Variants in TRA2A observed in about 807,000 individuals in gnomAD.
The protein encoded by TRA2A is transformer-2 protein homolog alpha.
Under a neutral mutation model 45.7 loss-of-function variants are expected in TRA2A, and 31 were observed. The observed-to-expected ratio is 0.68, with a 90% CI of 0.51 to 0.92. TRA2A has a LOEUF of 0.92. Ranked by LOEUF, TRA2A falls within the 40% of genes least tolerant of loss-of-function variation. The pLI is 0.00. For missense variants in TRA2A, 304 were observed against 367.5 expected, an observed-to-expected ratio of 0.83 and a Z score of 1.41; for synonymous variants, 132 against 126.2, an observed-to-expected ratio of 1.05 and a Z score of -0.31.
At chr7:23,516,595 G>A (rs754529092) in intron 2 of TRA2A, 67 bp from the exon 3 acceptor site, 18 of 1,445,430 alleles carry the variant, frequency 1.2e-5, no homozygotes, top group Non-Finnish European at 1.6e-5. Context: ...CCTCTTCCAA[G>A]AAGGTATACA....
At chr7:23,531,447 G>A (rs1790579129) in intron 1 of TRA2A, 2 of 354,166 alleles carry the variant, frequency 5.6e-6, no homozygotes, top group Admixed American at 4.6e-5. Context: ...GCTCCCTGCC[G>A]CCTCCTCCCG....
chr7:23,525,933 T>A (rs896797574), intron 1 of TRA2A, among the ~76,000 whole-genome samples: 2 of 152,168 alleles, frequency 1.3e-5, no homozygotes, highest in African/African-American at 4.8e-5. Flanking sequence ...AAGATGACCC[T>A]GCTGTTGGTT....
At chr7:23,519,739 A>C (rs1790049247) in intron 2 of TRA2A, among the ~76,000 whole-genome samples, 1 of 152,234 alleles carries the variant, frequency 6.6e-6, no homozygotes, top group African/African-American at 2.4e-5. Flanking sequence ...AGGATATGGA[A>C]TACAGGAATA....
intron 1 of TRA2A, chr7:23,522,310 C>A: frequency 8.5e-7 from 1 of 1,177,228 alleles, no homozygotes; most frequent in Non-Finnish European, 1.1e-6. Flanking sequence ...ATCTTCTGTT[C>A]AATTTTTTCC....
At chr7:23,505,845 A>C in intron 6 of TRA2A, 32 bp from the exon 7 acceptor site, 1 of 1,315,096 alleles carries the variant, frequency 7.6e-7, no homozygotes, top group East Asian at 2.4e-5. Flanking sequence ...TTAGCATACT[A>C]TATAATCACT....
intron 4 of TRA2A, among the ~76,000 whole-genome samples, chr7:23,510,065 A>G (rs1789526442): frequency 6.6e-6 from 1 of 152,104 alleles, no homozygotes; most frequent in Non-Finnish European, 1.5e-5. Flanking sequence ...ACAAACAACA[A>G]AAAAAGAAAA....
Position 23,505,585 on chromosome 7 carries a change from C to CAAAAAAA in TRA2A, c.839-23_839-17dup, listed in dbSNP as rs5882904. 16 of 244,982 alleles carry CAAAAAAA rather than the reference C, an allele frequency of 6.5e-5. 2 individuals carry two copies. Among genetic ancestry groups the CAAAAAAA allele is most frequent in the South Asian group, 5.1e-4 (5 of 9,818 alleles). 15.2% of individuals were successfully genotyped at this position (244,982 alleles called of 1,614,324 possible). On this transcript the variant is annotated splice_polypyrimidine_tract_variant and intron_variant, in intron 7 of 7. Coordinates refer to ENST00000297071, the MANE Select transcript of TRA2A (RefSeq NM_013293.5). ...CAATAGCGTCCTAAAAGAGAAAAAG[C>CAAAAAAA]AAAAAAAAAAAAAAAAAAAAAAAGT...
In TRA2A at chr7:23,515,791, A is replaced by ATG. The variant is rs1334666450; in HGVS notation, c.336+571_336+572insCA. On this transcript the variant is annotated intron_variant, in intron 3 of 7. Transcript: ENST00000297071. The stretch of plus-strand genomic sequence containing the variant: ...GAACTCCTGACCTTAGGTGACCCAC[A>ATG]CCCTTTGGCCTCCCAAAGTGCTGGG... Among the ~76,000 whole-genome samples, 18 of 126,678 alleles carry ATG rather than the reference A, an allele frequency of 1.4e-4. 2 individuals carry two copies. Among genetic ancestry groups the ATG allele is most frequent in the African/African-American group, 5.4e-4 (18 of 33,606 alleles). The allele number at this position is 126,678 out of a possible 152,430, so 83.1% of individuals were successfully genotyped here. A position where few individuals can be genotyped will look rare whatever the true frequency, so the allele number is the denominator to read the frequency against.
chr7:23,509,731 C>CAA (rs35279622), intron 4 of TRA2A, among the ~76,000 whole-genome samples: 6,311 of 146,086 alleles, frequency 0.043, 186 homozygotes, highest in African/African-American at 0.082. Flanking sequence ...GACTCCGTCT[C>CAA]AAAAAAAAAA....
intron 4 of TRA2A, among the ~76,000 whole-genome samples, chr7:23,509,440 T>C (rs1384001895): frequency 6.6e-6 from 1 of 152,108 alleles, no homozygotes; most frequent in African/African-American, 2.4e-5. Context: ...AAAAAGATTT[T>C]AAAAATCACT....
At position 23,517,727 on chromosome 7, in the gene TRA2A, C is replaced by G. The variant is rs527639823; in HGVS notation, c.171-1199G>C. On this transcript the variant is annotated intron_variant, in intron 2 of 7. Transcript: ENST00000297071. ...AAGAGATCGAGACCATCCTCGCCAACATGGTAAAACCCTGTCTCTACTAAA... is the reference window on the plus strand; with the variant it reads ...AAGAGATCGAGACCATCCTCGCCAAGATGGTAAAACCCTGTCTCTACTAAA... Among the ~76,000 whole-genome samples, 4 of 151,046 alleles carry G rather than the reference C, an allele frequency of 2.6e-5. No individual in the cohort carries two copies. In the East Asian group the frequency reaches 7.9e-4, roughly 30 times the overall value.
Position 23,512,956 on chromosome 7 carries a change from G to A in TRA2A, c.463C>T (p.Arg155Ter), listed in dbSNP as rs753672341. 1.9e-6 allele frequency: 3 copies of A among 1,613,746 alleles called. No individual in the cohort carries two copies. Among genetic ancestry groups the A allele is most frequent in the African/African-American group, 1.3e-5 (1 of 74,934 alleles). The change falls in exon 4 of 8, where the codon CGA (arginine) becomes TGA (stop). Residue 155 changes from arginine to a stop codon, truncating the protein, a stop_gained. Coordinates refer to ENST00000297071, the MANE Select transcript of TRA2A (RefSeq NM_013293.5). LOFTEE classifies it high-confidence loss of function. ...LSGVNVVYDQ[R>*]TGRSRGFAFV... ...GCAAATCCTCGAGATCGCCCAGTTC[G>A]CTGATCATAAACCACATTGACACCA...
chr7:23,510,587 C>T (rs913984729), intron 4 of TRA2A, among the ~76,000 whole-genome samples: 4 of 152,240 alleles, frequency 2.6e-5, no homozygotes, highest in East Asian at 3.9e-4. Context: ...CTCAGCCTCC[C>T]GAAGTGCTGG....
At chr7:23,530,972 GGAA>G (rs1220324871) in intron 1 of TRA2A, among the ~76,000 whole-genome samples, 3 of 151,926 alleles carry the variant, frequency 2.0e-5, no homozygotes, top group African/African-American at 7.2e-5. Flanking sequence ...AAAGGTCATA[GGAA>G]GAAGAGCATT....
chr7:23,525,919 T>C (rs1790322823), intron 1 of TRA2A, among the ~76,000 whole-genome samples: 1 of 152,170 alleles, frequency 6.6e-6, no homozygotes, highest in Non-Finnish European at 1.5e-5. Flanking sequence ...TATTCTTTAT[T>C]ATCAAGATGA....
At chr7:23,515,856 T>C (rs914386122) in intron 3 of TRA2A, among the ~76,000 whole-genome samples, 16 of 151,636 alleles carry the variant, frequency 1.1e-4, no homozygotes, top group African/African-American at 3.6e-4. Context: ...TTCATGTCCT[T>C]TTTACTCAAA....
intron 2 of TRA2A, among the ~76,000 whole-genome samples, chr7:23,517,410 G>A (rs982638483): frequency 1.4e-5 from 2 of 145,658 alleles, no homozygotes; most frequent in Non-Finnish European, 3.0e-5. Context: ...CCCAGAAGGC[G>A]GAGCTTGCAG....
At chr7:23,526,781 A>C (rs906121100) in intron 1 of TRA2A, among the ~76,000 whole-genome samples, 4 of 152,198 alleles carry the variant, frequency 2.6e-5, no homozygotes, top group Non-Finnish European at 5.9e-5. Context: ...TAAATGCAGC[A>C]TGCCTATATG....
chr7:23,518,291 C>T (rs1789977873), intron 2 of TRA2A, among the ~76,000 whole-genome samples: 1 of 151,956 alleles, frequency 6.6e-6, no homozygotes, highest in Non-Finnish European at 1.5e-5. Context: ...CTGCTGCAAT[C>T]TAGTATCTGC....
Sources: gnomAD v4.1 joint callset for allele counts (sites outside exome capture counted in the v4.1 genomes callset) on GRCh38, gnomAD v4.1.1 for gene constraint, MANE v1.5 for transcripts, NCBI Gene and HGNC (gene_info 2026-07-23, HGNC 2026-07-21) for gene names.